REST: variants seen among roughly 807,000 people sequenced by gnomAD.
REST encodes the protein RE1-silencing transcription factor.
In REST, 1 loss-of-function variant was observed where a neutral mutation model predicts 30.4. That is an observed-to-expected ratio of 0.03 (90% confidence interval 0.01 to 0.16). The LOEUF (loss-of-function observed/expected upper bound fraction) is 0.16. Ranked by LOEUF, REST falls within the 10% of genes least tolerant of loss-of-function variation. The pLI is 1.00. For synonymous variants in REST, 504 were observed against 451.1 expected, an observed-to-expected ratio of 1.12 and a Z score of -1.49; for missense variants, 1,259 against 1,329.5, an observed-to-expected ratio of 0.95 and a Z score of 0.82.
chr4:56,919,996 T>A, intron 3 of REST, 126 bp downstream of exon 3: 1 of 436,956 alleles, frequency 2.3e-6, no homozygotes, highest in Non-Finnish European at 3.9e-6. Context: ...AGTCAGAATT[T>A]AAAAATCAGT....
intron 1 of REST, among the ~76,000 whole-genome samples, chr4:56,908,562 T>G (rs1184124782): frequency 6.6e-6 from 1 of 151,826 alleles, no homozygotes; most frequent in Non-Finnish European, 1.5e-5. Context: ...GGGCCCGTAG[T>G]CCTGAAACTT....
In REST at chr4:56,933,103, A is replaced by G. The variant is rs1160675813; in HGVS notation, c.*951A>G. 2 of 151,798 alleles carry G rather than the reference A, an allele frequency of 1.3e-5. No individual in the cohort carries two copies. Among genetic ancestry groups the G allele is most frequent in the Non-Finnish European group, 2.9e-5 (2 of 68,012 alleles). The allele number at this position is 151,798 out of a possible 1,614,324, so 9.4% of individuals were successfully genotyped here. On this transcript the variant is annotated 3_prime_UTR_variant, in exon 4 of 4. Transcript: ENST00000309042. ...TATTTCATATAACTTATTTATTTCG[A>G]ATGGATGTAGTAAATTCACAGCTAT...
chr4:56,928,710 C>G (rs1471469680), intron 3 of REST, among the ~76,000 whole-genome samples: 1 of 151,196 alleles, frequency 6.6e-6, no homozygotes, highest in African/African-American at 2.4e-5. Flanking sequence ...CTCAGCCTCC[C>G]TAGTAGGTGG....
At position 56,931,534 on chromosome 4, in the gene REST, C is replaced by T. The variant is rs1374401294; in HGVS notation, c.2676C>T (p.Ala892=). The T allele has an allele frequency of 5.6e-6, 9 of 1,614,086 alleles. No individual in the cohort carries two copies. The highest frequency in any genetic ancestry group is 1.3e-5 in the African/African-American group (1 of 75,014). ...ACACAGGTGAAGGAAATAAAGAAGC[C>T]CCTCTTCAGAAAGTAGGAGCAGAAG... The part of the protein sequence containing the change: ...LLNTGEGNKE[A]PLQKVGAEEA... The change falls in exon 4 of 4, where the codon GCC becomes GCT. Residue 892 remains alanine (A), a synonymous_variant. Transcript: ENST00000309042.
At chr4:56,924,356 T>G (rs1720584473) in intron 3 of REST, among the ~76,000 whole-genome samples, 1 of 152,206 alleles carries the variant, frequency 6.6e-6, no homozygotes, top group African/African-American at 2.4e-5. Flanking sequence ...TTTCACCTAT[T>G]TGATTATCAC....
rs1721112607 is a variant in REST at position 56,935,398 on chromosome 4, G to A, written c.*3246G>A. ...GAAGAAATTATCTGAATCTTGGTTTGTGTAGATTTACAATCTACATGCAAT... is the reference window on the plus strand; with the variant it reads ...GAAGAAATTATCTGAATCTTGGTTTATGTAGATTTACAATCTACATGCAAT... On this transcript the variant is annotated 3_prime_UTR_variant, in exon 4 of 4. Transcript: ENST00000309042. 6.6e-6 allele frequency: 1 copy of A among 152,202 alleles called. No individual in the cohort carries two copies. Among genetic ancestry groups the A allele is most frequent in the Non-Finnish European group, 1.5e-5 (1 of 68,038 alleles). The allele number at this position is 152,202 out of a possible 1,614,324, so 9.4% of individuals were successfully genotyped here. A position where few individuals can be genotyped will look rare whatever the true frequency, so the allele number is the denominator to read the frequency against.
At chr4:56,920,062 T>C in intron 3 of REST, 192 bp downstream of exon 3, 1 of 378,550 alleles carries the variant, frequency 2.6e-6, no homozygotes, top group Middle Eastern at 7.6e-4. Flanking sequence ...CTCCTGAAAA[T>C]GGAATTTTTG....
intron 2 of REST, among the ~76,000 whole-genome samples, chr4:56,912,912 C>T (rs1057082832): frequency 4.0e-5 from 6 of 151,504 alleles, no homozygotes; most frequent in Non-Finnish European, 8.8e-5. Context: ...TCCTAAATTG[C>T]TGGGATTATA....
rs1305477281 is a variant in REST, at chr4:56,931,543, G to C, written c.2685G>C (p.Gln895His). ...AAGGAAATAAAGAAGCCCCTCTTCA[G>C]AAAGTAGGAGCAGAAGAGGCAGATG... ...TGEGNKEAPL[Q>H]KVGAEEADES... Residue 895 changes from glutamine (Q) to histidine (H), a missense_variant, in exon 4 of 4, where the codon CAG becomes CAC. Transcript: ENST00000309042. 15 of 1,614,102 alleles carry C rather than the reference G, an allele frequency of 9.3e-6. No individual in the cohort carries two copies. Among genetic ancestry groups the C allele is most frequent in the Non-Finnish European group, 1.3e-5 (15 of 1,180,050 alleles).
In REST at chr4:56,931,310, A is replaced by G. The variant is rs1385520032; in HGVS notation, c.2452A>G (p.Lys818Glu). 6.2e-7 allele frequency: 1 copy of G among 1,614,264 alleles called. No homozygotes were observed. The highest frequency in any genetic ancestry group is 8.5e-7 in the Non-Finnish European group (1 of 1,180,038). Residue 818 changes from lysine (K) to glutamate (E), a missense_variant, in exon 4 of 4, where the codon AAA (lysine) becomes GAA (glutamate). Physicochemically the swap from Lys to Glu is moderately conservative, Grantham distance 56. Coordinates refer to ENST00000309042, the MANE Select transcript of REST (RefSeq NM_005612.5). ...EPISKKPPLR[K>E]DKKEKSNMQS... ...AATTTCCAAAAAGCCTCCTCTCCGAAAAGATAAAAAGGAAAAGTCTAACAT... is the reference window on the plus strand; with the variant it reads ...AATTTCCAAAAAGCCTCCTCTCCGAGAAGATAAAAAGGAAAAGTCTAACAT...
In REST at chr4:56,932,588, A is replaced by T. The variant is rs1560454484; in HGVS notation, c.*436A>T. On this transcript the variant is annotated 3_prime_UTR_variant, in exon 4 of 4. Transcript: ENST00000309042. ...CTTTATATAAAGTTAGCACTTTAAG[A>T]TTTTTTTTTTTAGAGATGAGAAGAC... 1 of 150,524 alleles carries T rather than the reference A, an allele frequency of 6.6e-6. No individual in the cohort carries two copies. Among genetic ancestry groups the T allele is most frequent in the Non-Finnish European group, 1.5e-5 (1 of 67,918 alleles). 9.3% of individuals were successfully genotyped at this position (150,524 alleles called of 1,614,324 possible). A position where few individuals can be genotyped will look rare whatever the true frequency, so the allele number is the denominator to read the frequency against.
At position 56,931,154 on chromosome 4, in the gene REST, TCTC is replaced by T. The variant is rs1177212095; in HGVS notation, c.2301_2303del (p.Pro768del). On this transcript the variant is annotated inframe_deletion, in exon 4 of 4. Transcript: ENST00000309042. Reference sequence around the variant, plus strand: ...GAAGGAACCTGTTAAGATAGAGCTGTCTCCTCCCATAGAGGTGGTCCAGAAGGA... The same window carrying T: ...GAAGGAACCTGTTAAGATAGAGCTGTCTCCCATAGAGGTGGTCCAGAAGGA... The T allele has an allele frequency of 1.2e-6, 2 of 1,607,648 alleles. No homozygotes were observed. The highest frequency in any genetic ancestry group is 4.5e-5 in the East Asian group (2 of 44,600).
chr4:56,910,243 G>C (rs1400196430), intron 1 of REST, among the ~76,000 whole-genome samples: 1 of 152,114 alleles, frequency 6.6e-6, no homozygotes, highest in Non-Finnish European at 1.5e-5. Context: ...GGGAAAAGTT[G>C]GGAGGACAAT....
rs554780609 is a variant in REST at position 56,911,250 on chromosome 4, C to T, written c.612C>T (p.Ser204=). ...CAAAAGCCAGGGAATCTGGCTCTTC[C>T]ACTGCAGAAGAGGGAGATTTCTCCA... ...KQAKARESGS[S]TAEEGDFSKG... Residue 204 remains serine, a synonymous_variant, in exon 2 of 4, where the codon TCC becomes TCT. Transcript: ENST00000309042. 105 of 1,614,136 alleles carry T rather than the reference C, an allele frequency of 6.5e-5. 2 individuals carry two copies. In the South Asian group the frequency reaches 1.1e-3, roughly 17 times the overall value.
chr4:56,923,736 TTTA>T (rs1187668553), intron 3 of REST, among the ~76,000 whole-genome samples: 1 of 150,612 alleles, frequency 6.6e-6, no homozygotes, highest in Non-Finnish European at 1.5e-5. Context: ...TATTTATTTA[TTTA>T]TTGAGACTGA....
At chr4:56,909,692 A>G (rs1304958570) in intron 1 of REST, 1 of 152,070 alleles carries the variant, frequency 6.6e-6, no homozygotes, top group Admixed American at 6.6e-5. Flanking sequence ...ACTTTTTTTA[A>G]TTTGCGAGTG....
intron 3 of REST, among the ~76,000 whole-genome samples, chr4:56,925,486 T>G (rs577599242): frequency 8.0e-4 from 122 of 152,302 alleles, no homozygotes; most frequent in African/African-American, 2.1e-3. Flanking sequence ...AGTGCTAGGA[T>G]TACGGGTGTG....
At position 56,919,810 on chromosome 4, in the gene REST, C is replaced by A; in HGVS notation, c.922C>A (p.Leu308Ile). The part of the protein sequence containing the change: ...HTGERPYKCE[L>I]CPYSSSQKTH... ...AGGAGAACGCCCATATAAATGTGAA[C>A]TTTGTCCTTACTCAAGTTCTCAGAA... The change falls in exon 3 of 4, where the codon CTT becomes ATT. Residue 308 changes from leucine (L) to isoleucine (I), a missense_variant. Around this residue, in one of 5 missense-constraint regions of REST, gnomAD observed 125 missense variants for 255.4 expected, o/e 0.49. Coordinates refer to ENST00000309042, the MANE Select transcript of REST (RefSeq NM_005612.5). The A allele has an allele frequency of 6.2e-7, 1 of 1,608,386 alleles. No homozygotes were observed. The highest frequency in any genetic ancestry group is 1.7e-5 in the Admixed American group (1 of 59,866).
Position 56,931,072 on chromosome 4 carries a change from G to A in REST, c.2214G>A (p.Glu738=). The change falls in exon 4 of 4, where the codon GAG becomes GAA. Residue 738 remains glutamate, a synonymous_variant. Transcript: ENST00000309042. ...PVQMELSPPM[E]VVQKEPVQIE... ...AGATGGAGCTGTCTCCTCCCATGGA[G>A]GTGGTCCAGAAGGAGCCTGTTCAGA... 7.2e-7 allele frequency: 1 copy of A among 1,385,904 alleles called. No individual in the cohort carries two copies. The highest frequency in any genetic ancestry group is 1.0e-6 in the Non-Finnish European group (1 of 1,001,754). The allele number at this position is 1,385,904 out of a possible 1,614,324, so 85.9% of individuals were successfully genotyped here. A position where few individuals can be genotyped will look rare whatever the true frequency, so the allele number is the denominator to read the frequency against.
Sources: gnomAD v4.1 joint callset for allele counts (sites outside exome capture counted in the v4.1 genomes callset) on GRCh38, gnomAD v4.1.1 for gene constraint, gnomAD v4.1.1 regional missense constraint, MANE v1.5 for transcripts, NCBI Gene and HGNC (gene_info 2026-07-23, HGNC 2026-07-21) for gene names.